SMYD3: variants seen among roughly 807,000 people sequenced by gnomAD.
SMYD3 encodes the protein histone-lysine N-methyltransferase SMYD3.
A neutral mutation model predicts 57.7 loss-of-function variants in SMYD3; 36 were observed. The observed-to-expected ratio is 0.62, with a 90% CI of 0.48 to 0.82. The LOEUF is 0.82. Ranked by LOEUF, SMYD3 falls within the 40% of genes least tolerant of loss-of-function variation. The pLI, the probability that SMYD3 is intolerant of heterozygous loss-of-function variation, is 0.00. For missense variants in SMYD3, 515 were observed against 538.8 expected (o/e 0.96, Z 0.44); for synonymous variants, 211 against 195.0 (o/e 1.08, Z -0.68).
chr1:245,877,604 A>G (rs1050549458), intron 8 of SMYD3, among the ~76,000 whole-genome samples: 2 of 152,212 alleles, frequency 1.3e-5, no homozygotes, highest in African/African-American at 4.8e-5. Context: ...GAGAAAAGGA[A>G]CAATTCAAGA....
chr1:245,839,718 G>A (rs2148414564), intron 10 of SMYD3, among the ~76,000 whole-genome samples: 1 of 152,094 alleles, frequency 6.6e-6, no homozygotes, highest in South Asian at 2.1e-4. Context: ...CAATAAAGTT[G>A]TTAAAAATAT....
chr1:246,471,963 G>C (rs894566231), intron 1 of SMYD3, among the ~76,000 whole-genome samples: 1 of 151,974 alleles, frequency 6.6e-6, no homozygotes, highest in African/African-American at 2.4e-5. Flanking sequence ...ACCTAAAGTA[G>C]GTGTTACTTG....
intron 5 of SMYD3, among the ~76,000 whole-genome samples, chr1:246,250,949 G>A (rs2063789000): frequency 6.6e-6 from 1 of 152,118 alleles, no homozygotes; most frequent in Admixed American, 6.5e-5. Flanking sequence ...ATTTGTTTCA[G>A]ATGCTATTTT....
intron 8 of SMYD3, among the ~76,000 whole-genome samples, chr1:245,910,309 TA>T (rs759834950): frequency 1.3e-5 from 2 of 152,046 alleles, no homozygotes; most frequent in African/African-American, 2.4e-5. Flanking sequence ...GAGAACATAA[TA>T]AATTGGAAAG....
intron 5 of SMYD3, among the ~76,000 whole-genome samples, chr1:246,047,734 A>G (rs10924463): frequency 0.46 from 70,486 of 151,916 alleles, 17,807 homozygotes; most frequent in East Asian, 0.8. Context: ...AACTACTCAG[A>G]AGGCTGAGAC....
At chr1:245,987,533 A>G (rs1244648616) in intron 5 of SMYD3, among the ~76,000 whole-genome samples, 1 of 152,258 alleles carries the variant, frequency 6.6e-6, no homozygotes, top group East Asian at 1.9e-4. Flanking sequence ...ATATCCACTG[A>G]AACTTTTCCA....
chr1:246,237,740 C>T (rs2063534621), intron 5 of SMYD3, among the ~76,000 whole-genome samples: 1 of 152,152 alleles, frequency 6.6e-6, no homozygotes, highest in South Asian at 2.1e-4. Flanking sequence ...AACATAAAAG[C>T]ATTTTACACT....
At chr1:245,906,292 T>C (rs926260121) in intron 8 of SMYD3, among the ~76,000 whole-genome samples, 2 of 152,070 alleles carry the variant, frequency 1.3e-5, no homozygotes, top group African/African-American at 2.4e-5. Flanking sequence ...CAAACAAATC[T>C]ATAGAAAAAA....
Position 246,495,298 on chromosome 1 carries a change from G to A in SMYD3, c.164+11756C>T, listed in dbSNP as rs550050308. Among the ~76,000 whole-genome samples, 267 of 133,270 alleles carry A rather than the reference G, an allele frequency of 2.0e-3. 1 individual carries two copies. The highest frequency in any genetic ancestry group is 6.5e-3 in the African/African-American group (220 of 33,860). 87.4% of individuals were successfully genotyped at this position (133,270 alleles called of 152,430 possible). On this transcript the variant is annotated intron_variant, in intron 1 of 11. Transcript: ENST00000490107. ...CGGGAGGCGGAGCTTGCTGTGAGCCGAGATCATGCCACTGCACTCCAGCCT... is the reference window on the plus strand; with the variant it reads ...CGGGAGGCGGAGCTTGCTGTGAGCCAAGATCATGCCACTGCACTCCAGCCT...
At chr1:245,854,402 A>G (rs1206926993) in intron 10 of SMYD3, among the ~76,000 whole-genome samples, 4 of 152,204 alleles carry the variant, frequency 2.6e-5, no homozygotes, top group African/African-American at 9.6e-5. Flanking sequence ...TAATCATGGC[A>G]CTGTTTGACA....
chr1:245,926,557 G>GA (rs1195204970), intron 7 of SMYD3, among the ~76,000 whole-genome samples: 1 of 152,158 alleles, frequency 6.6e-6, no homozygotes, highest in Non-Finnish European at 1.5e-5. Flanking sequence ...GATGGAAAGA[G>GA]AAAGATGTGA....
Position 246,449,641 on chromosome 1 carries a change from C to T in SMYD3, c.164+57413G>A, listed in dbSNP as rs191261511. On this transcript the variant is annotated intron_variant, in intron 1 of 11. Coordinates refer to ENST00000490107, the MANE Select transcript of SMYD3 (RefSeq NM_001167740.2). ...ATGCAAGTTCTAGAATCTCTTTGAA[C>T]GCCCATTTCCTCACTGATGTTCTCC... 2.5e-3 allele frequency among the ~76,000 whole-genome samples: 378 copies of T among 152,262 alleles called. 1 individual carries two copies. Among genetic ancestry groups the T allele is most frequent in the Middle Eastern group, 6.8e-3 (2 of 294 alleles).
At chr1:245,966,541 AAAAT>A (rs964390941) in intron 5 of SMYD3, among the ~76,000 whole-genome samples, 19 of 152,226 alleles carry the variant, frequency 1.2e-4, no homozygotes, top group African/African-American at 2.7e-4. Flanking sequence ...GGCAAAAAGA[AAAAT>A]AAATCAACAA....
At chr1:246,360,810 A>G (rs2065975607) in intron 1 of SMYD3, among the ~76,000 whole-genome samples, 1 of 152,248 alleles carries the variant, frequency 6.6e-6, no homozygotes, top group Non-Finnish European at 1.5e-5. Flanking sequence ...AAGATGAATC[A>G]AAGACTTAAA....
intron 5 of SMYD3, among the ~76,000 whole-genome samples, chr1:245,982,514 T>C (rs912513296): frequency 1.3e-5 from 2 of 152,224 alleles, no homozygotes; most frequent in African/African-American, 4.8e-5. Flanking sequence ...TGAGAGTTGA[T>C]CTAATATAAT....
At chr1:245,891,056 G>T (rs1170621918) in intron 8 of SMYD3, among the ~76,000 whole-genome samples, 2 of 152,186 alleles carry the variant, frequency 1.3e-5, no homozygotes, top group Non-Finnish European at 2.9e-5. Context: ...TAGAATGATG[G>T]TTACCAGAGC....
chr1:246,363,309 C>A (rs1196320392), intron 1 of SMYD3, among the ~76,000 whole-genome samples: 1 of 150,000 alleles, frequency 6.7e-6, no homozygotes, highest in African/African-American at 2.5e-5. Context: ...GGGGGTCAGC[C>A]CCCCGCCCGG....
intron 5 of SMYD3, among the ~76,000 whole-genome samples, chr1:246,147,746 A>G (rs1196802171): frequency 4.6e-5 from 7 of 151,930 alleles, no homozygotes; most frequent in Non-Finnish European, 8.8e-5. Flanking sequence ...GTAGAGCTGC[A>G]GCCTCCCTGC....
intron 11 of SMYD3, among the ~76,000 whole-genome samples, chr1:245,755,597 T>C (rs1034048438): frequency 2.0e-5 from 3 of 152,220 alleles, no homozygotes; most frequent in African/African-American, 4.8e-5. Flanking sequence ...AGTACTACTA[T>C]GTCTTTTTGG....
Sources: gnomAD v4.1 joint callset for allele counts (sites outside exome capture counted in the v4.1 genomes callset) on GRCh38, gnomAD v4.1.1 for gene constraint, MANE v1.5 for transcripts, NCBI Gene and HGNC (gene_info 2026-07-23, HGNC 2026-07-21) for gene names.